The following ITGB3BP variants were observed in gnomAD, a reference collection of about 807,000 sequenced individuals.
ITGB3BP encodes integrin subunit beta 3 binding protein.
Under a neutral mutation model 29.1 loss-of-function variants are expected in ITGB3BP, and 27 were observed. The ratio of observed to expected loss-of-function variants is 0.93; its 90% CI spans 0.68 to 1.28. The LOEUF is 1.28. Among genes scored for constraint, ITGB3BP ranks in the 50% most tolerant of loss-of-function variants. The pLI, the probability that ITGB3BP is intolerant of heterozygous loss-of-function variation, is 0.00. For missense variants in ITGB3BP, 192 were observed against 200.2 expected (o/e 0.96, Z 0.25); for synonymous variants, 61 against 61.4 (o/e 0.99, Z 0.03).
chr1:63,522,644 T>TA (rs922914973), intron 1 of ITGB3BP, among the ~76,000 whole-genome samples: 26 of 150,526 alleles, frequency 1.7e-4, no homozygotes, highest in Admixed American at 6.6e-4. Flanking sequence ...TTTGTGTAAG[T>TA]AAAAAAAAAC....
At chr1:63,456,062 G>A (rs540821438) in intron 4 of ITGB3BP, among the ~76,000 whole-genome samples, 317 of 152,170 alleles carry the variant, frequency 2.1e-3, no homozygotes, top group African/African-American at 7.2e-3. Flanking sequence ...TGGCTAGTGC[G>A]TACTGTTTCA....
At chr1:63,467,478 T>C (rs1238902809) in intron 4 of ITGB3BP, among the ~76,000 whole-genome samples, 1 of 151,622 alleles carries the variant, frequency 6.6e-6, no homozygotes, top group Non-Finnish European at 1.5e-5. Flanking sequence ...GCCTCTCGAG[T>C]AGTGGGACTA....
At chr1:63,448,558 T>C (rs1644820823) in intron 7 of ITGB3BP, among the ~76,000 whole-genome samples, 1 of 152,108 alleles carries the variant, frequency 6.6e-6, no homozygotes, top group African/African-American at 2.4e-5. Flanking sequence ...ACTATAAACA[T>C]TTGCTTTATT....
At chr1:63,461,117 G>T (rs1645010207) in intron 4 of ITGB3BP, among the ~76,000 whole-genome samples, 1 of 151,332 alleles carries the variant, frequency 6.6e-6, no homozygotes, top group Non-Finnish European at 1.5e-5. Context: ...AGCCAGGCAT[G>T]GTGGCGGGTG....
At chr1:63,496,484 G>T (rs1645791113) in intron 2 of ITGB3BP, among the ~76,000 whole-genome samples, 1 of 152,026 alleles carries the variant, frequency 6.6e-6, no homozygotes, top group Admixed American at 6.6e-5. Context: ...TGTATCTTGT[G>T]AATTTTAACT....
intron 7 of ITGB3BP, chr1:63,449,913 A>G (rs1218714623): frequency 2.6e-5 from 4 of 152,508 alleles, no homozygotes; most frequent in African/African-American, 7.2e-5. Context: ...GATATGATGA[A>G]TACTTTTTCA....
upstream of ITGB3BP, among the ~76,000 whole-genome samples, chr1:63,525,000 T>C (rs2100855862): frequency 6.6e-6 from 1 of 152,334 alleles, no homozygotes; most frequent in South Asian, 2.1e-4. Flanking sequence ...ATTATTGAGA[T>C]GTTAATGAAA....
intron 4 of ITGB3BP, among the ~76,000 whole-genome samples, chr1:63,467,409 GCATGATCACCACT>G: frequency 6.6e-6 from 1 of 150,544 alleles, no homozygotes; most frequent in South Asian, 2.1e-4. Flanking sequence ...GAGTGCATTG[GCATGATCACCACT>G]CACTGCAGCC....
At chr1:63,457,442 T>C (rs1478097567) in intron 4 of ITGB3BP, 1 of 152,176 alleles carries the variant, frequency 6.6e-6, no homozygotes. Flanking sequence ...CAAATTTCAC[T>C]TTGTTGCCCT....
At chr1:63,456,509 C>T (rs887089951) in intron 4 of ITGB3BP, among the ~76,000 whole-genome samples, 1 of 152,124 alleles carries the variant, frequency 6.6e-6, no homozygotes, top group Admixed American at 6.6e-5. Flanking sequence ...GGACTCCCAC[C>T]AAGGCTGGAT....
intron 4 of ITGB3BP, among the ~76,000 whole-genome samples, chr1:63,475,405 G>A (rs1645318290): frequency 6.6e-6 from 1 of 152,084 alleles, no homozygotes. Context: ...AAAAATAAAA[G>A]AATTAGCCAG....
At chr1:63,518,133 T>C (rs1217876033) in intron 1 of ITGB3BP, among the ~76,000 whole-genome samples, 1 of 152,198 alleles carries the variant, frequency 6.6e-6, no homozygotes, top group Non-Finnish European at 1.5e-5. Flanking sequence ...AAGTTTTCGA[T>C]ACTAAATATA....
Position 63,459,886 on chromosome 1 carries a change from C to G in ITGB3BP, c.255-4918G>C, listed in dbSNP as rs541941045. On this transcript the variant is annotated intron_variant, in intron 4 of 8. Transcript: ENST00000271002. ...ATTTCTGGGCTGCATCCAAGAACTACTAACAGAGAAGGTCAGAAATATGCA... is the reference window on the plus strand; with the variant it reads ...ATTTCTGGGCTGCATCCAAGAACTAGTAACAGAGAAGGTCAGAAATATGCA... Among the ~76,000 whole-genome samples, 26 of 152,100 alleles carry G rather than the reference C, an allele frequency of 1.7e-4. No homozygotes were observed. The South Asian group carries it at 5.2e-3, about 30-fold the overall frequency.
intron 2 of ITGB3BP, among the ~76,000 whole-genome samples, chr1:63,505,104 A>G (rs1455991609): frequency 6.6e-6 from 1 of 152,060 alleles, no homozygotes; most frequent in African/African-American, 2.4e-5. Context: ...TCCTCCTTGT[A>G]CCTCTGGTAG....
intron 3 of ITGB3BP, 69 bp from the exon 4 acceptor site, chr1:63,478,902 AGTTT>A: frequency 1.8e-6 from 1 of 558,620 alleles, no homozygotes; most frequent in Non-Finnish European, 3.0e-6. Context: ...AATAGAATTT[AGTTT>A]GTCAAATTTT....
At chr1:63,496,726 A>AT (rs1394223652) in intron 2 of ITGB3BP, among the ~76,000 whole-genome samples, 1 of 152,192 alleles carries the variant, frequency 6.6e-6, no homozygotes, top group Non-Finnish European at 1.5e-5. Flanking sequence ...TTCTACTGCA[A>AT]TGTCTTCTTA....
upstream of ITGB3BP, chr1:63,525,608 C>T: frequency 3.2e-6 from 5 of 1,573,280 alleles, no homozygotes; most frequent in South Asian, 1.2e-5. Flanking sequence ...CAACTTTCTC[C>T]AGTCAGAAAT....
intron 8 of ITGB3BP, among the ~76,000 whole-genome samples, 200 bp from the exon 9 acceptor site, chr1:63,441,303 T>C (rs761845104): frequency 3.3e-5 from 5 of 152,140 alleles, no homozygotes; most frequent in Admixed American, 6.5e-5. Context: ...AGTGGCATGG[T>C]CTCGGCTGAC....
chr1:63,469,633 A>C lies in ITGB3BP; in HGVS notation c.254+9131T>G, dbSNP rs192692011. On this transcript the variant is annotated intron_variant, in intron 4 of 8. Transcript: ENST00000271002. ...GACCCACCATGCCTGACCCAAAATT[A>C]TGTTTTAACCCCATGAACACTTATG... is the stretch of plus-strand genomic sequence containing the variant. Among the ~76,000 whole-genome samples, 8 of 152,314 alleles carry C rather than the reference A, an allele frequency of 5.3e-5. No individual in the cohort carries two copies. In the East Asian group the frequency reaches 1.5e-3, roughly 29 times the overall value.
Sources: gnomAD v4.1 joint callset for allele counts (sites outside exome capture counted in the v4.1 genomes callset) on GRCh38, gnomAD v4.1.1 for gene constraint, MANE v1.5 for transcripts, NCBI Gene and HGNC (gene_info 2026-07-23, HGNC 2026-07-21) for gene names.